Variants in PLA2G6 observed in about 807,000 individuals in gnomAD.
PLA2G6 encodes the protein 85/88 kDa calcium-independent phospholipase A2.
A neutral mutation model predicts 83.8 loss-of-function variants in PLA2G6; 62 were observed. The ratio of observed to expected loss-of-function variants is 0.74; its 90% CI spans 0.60 to 0.91. The LOEUF (loss-of-function observed/expected upper bound fraction) is 0.91. Ranked by LOEUF, PLA2G6 falls within the 40% of genes least tolerant of loss-of-function variation. The pLI is 0.00. For synonymous variants in PLA2G6, 417 were observed against 449.8 expected, an observed-to-expected ratio of 0.93 and a Z score of 0.92; for missense variants, 944 against 1,102.0, an observed-to-expected ratio of 0.86 and a Z score of 2.03.
At position 38,133,381 on chromosome 22, in the gene PLA2G6, C is replaced by T. The variant is rs559278584; in HGVS notation, c.895-368G>A. On this transcript the variant is annotated intron_variant, in intron 6 of 16. Transcript: ENST00000332509. ...TGCAAAGGTATCACCTCTCACTGGG[C>T]CTTGGCAATGCACATCCCTGGCAGA... 2.4e-5 allele frequency: 7 copies of T among 292,528 alleles called. No homozygotes were observed. In the South Asian group the frequency reaches 3.1e-4, roughly 13 times the overall value. The allele number at this position is 292,528 out of a possible 1,614,324, so 18.1% of individuals were successfully genotyped here. A position where few individuals can be genotyped will look rare whatever the true frequency, so the allele number is the denominator to read the frequency against.
chr22:38,122,655 TGAAGTGTGCAGGC>T (rs1847592384), intron 11 of PLA2G6, among the ~76,000 whole-genome samples: 1 of 152,112 alleles, frequency 6.6e-6, no homozygotes, highest in African/African-American at 2.4e-5. Flanking sequence ...CCCAGTAAAA[TGAAGTGTGCAGGC>T]GAGGGCTCTG....
chr22:38,160,675 T>C (rs2089973746), intron 2 of PLA2G6, among the ~76,000 whole-genome samples: 1 of 152,052 alleles, frequency 6.6e-6, no homozygotes, highest in Admixed American at 6.5e-5. Flanking sequence ...TGAAACCTCG[T>C]CTCTACTAAA....
At chr22:38,126,963 C>T (rs2087899214) in intron 9 of PLA2G6, 1 of 1,050,686 alleles carries the variant, frequency 9.5e-7, no homozygotes, top group African/African-American at 1.7e-5. Context: ...GGAGACATCC[C>T]TCGTCCTGAT....
At chr22:38,176,994 G>A (rs926625283) in intron 1 of PLA2G6, among the ~76,000 whole-genome samples, 6 of 150,088 alleles carry the variant, frequency 4.0e-5, no homozygotes, top group South Asian at 2.1e-4. Context: ...GCAGTGAGCC[G>A]AGATCATGCC....
At chr22:38,177,858 C>T (rs1027024831) in intron 1 of PLA2G6, among the ~76,000 whole-genome samples, 1 of 152,138 alleles carries the variant, frequency 6.6e-6, no homozygotes, top group African/African-American at 2.4e-5. Context: ...CACAGTTTGC[C>T]AGGATCTGAA....
rs981295870 is a variant in PLA2G6 at position 38,128,833 on chromosome 22, G to C, written c.1187-403C>G. On this transcript the variant is annotated intron_variant, in intron 8 of 16. Coordinates refer to ENST00000332509, the MANE Select transcript of PLA2G6 (RefSeq NM_003560.4). The surrounding 1 kb of genome is among the most constrained non-coding windows in gnomAD (Gnocchi z 4.4). Reference sequence around the variant, plus strand: ...GGCACCTACTCCATTTGATGGATGGGATTGCTGAAAAGGAGGTCATAGATG... The same window carrying C: ...GGCACCTACTCCATTTGATGGATGGCATTGCTGAAAAGGAGGTCATAGATG... Among the ~76,000 whole-genome samples, 18 of 152,272 alleles carry C rather than the reference G, an allele frequency of 1.2e-4. No individual in the cohort carries two copies. The highest frequency in any genetic ancestry group is 6.5e-4 in the Admixed American group (10 of 15,290).
chr22:38,143,626 A>G (rs1194751981), intron 3 of PLA2G6: 1 of 427,944 alleles, frequency 2.3e-6, no homozygotes, highest in African/African-American at 2.0e-5. Flanking sequence ...TCTGGGCGTC[A>G]ATATCCTTAT....
At chr22:38,163,963 G>T (rs931473274) in intron 2 of PLA2G6, among the ~76,000 whole-genome samples, 1 of 152,094 alleles carries the variant, frequency 6.6e-6, no homozygotes, top group African/African-American at 2.4e-5. Flanking sequence ...TCAGCTCCCG[G>T]TAGGGAAGCA....
intron 12 of PLA2G6, among the ~76,000 whole-genome samples, chr22:38,119,807 T>C (rs937727413): frequency 6.6e-6 from 1 of 151,708 alleles, no homozygotes; most frequent in Non-Finnish European, 1.5e-5. Context: ...AGCAAGACCC[T>C]GTTTCAAAAA....
At chr22:38,127,423 C>T (rs773550543) in intron 9 of PLA2G6, 10 of 1,328,532 alleles carry the variant, frequency 7.5e-6, no homozygotes, top group Non-Finnish European at 1.0e-5. Flanking sequence ...GACGCCGCAC[C>T]CCAGGCCCAC....
chr22:38,127,843 G>A (rs1368973727), intron 9 of PLA2G6, among the ~76,000 whole-genome samples: 1 of 152,194 alleles, frequency 6.6e-6, no homozygotes, highest in Non-Finnish European at 1.5e-5. Flanking sequence ...GGGGCACACA[G>A]GTCTCAGGCC....
intron 2 of PLA2G6, chr22:38,150,003 T>G (rs2089480555): frequency 6.9e-6 from 1 of 144,304 alleles, no homozygotes. Context: ...TAAATAAAAT[T>G]ATTCTGCTGA....
intron 5 of PLA2G6, 161 bp downstream of exon 5, chr22:38,139,821 G>A (rs886365838): frequency 3.2e-6 from 2 of 623,718 alleles, no homozygotes; most frequent in Non-Finnish European, 5.7e-6. Context: ...CACCTTCTTT[G>A]GGCCAGGCGG....
intron 2 of PLA2G6, among the ~76,000 whole-genome samples, chr22:38,162,934 G>C (rs374059507): frequency 9.5e-4 from 144 of 152,212 alleles, no homozygotes; most frequent in Middle Eastern, 3.4e-3. Context: ...GGACACACGG[G>C]GGTGTGTCTC....
At position 38,145,659 on chromosome 22, in the gene PLA2G6, G is replaced by C; in HGVS notation, c.210-6C>G. 2 of 1,603,576 alleles carry C rather than the reference G, an allele frequency of 1.2e-6. No individual in the cohort carries two copies. Among genetic ancestry groups the C allele is most frequent in the South Asian group, 2.2e-5 (2 of 90,096 alleles). ...CCAACTCCAGCTGGAAGAGTCTGTAGAGCCAGGACAGAGGAGCAAGACCCG... is the reference window on the plus strand; with the variant it reads ...CCAACTCCAGCTGGAAGAGTCTGTACAGCCAGGACAGAGGAGCAAGACCCG... On this transcript the variant is annotated splice_region_variant and splice_polypyrimidine_tract_variant and intron_variant, in intron 2 of 16. Coordinates refer to ENST00000332509, the MANE Select transcript of PLA2G6 (RefSeq NM_003560.4).
In PLA2G6 at chr22:38,139,993, G is replaced by A. The variant is rs546742857; in HGVS notation, c.786C>T (p.Phe262=). The change falls in exon 5 of 17, where the codon TTC becomes TTT. Residue 262 remains phenylalanine, a synonymous_variant. Coordinates refer to ENST00000332509, the MANE Select transcript of PLA2G6 (RefSeq NM_003560.4). ...NGYPIHSAMK[F]SQKGCAEMII... ...GGAGGAGGTCTTACCCCTTCTGAGAGAACTTCATGGCCGAGTGGATGGGGT... is the reference window on the plus strand; with the variant it reads ...GGAGGAGGTCTTACCCCTTCTGAGAAAACTTCATGGCCGAGTGGATGGGGT... 50 of 1,597,430 alleles carry A rather than the reference G, an allele frequency of 3.1e-5. 1 individual carries two copies. The South Asian group carries it at 4.8e-4, about 15-fold the overall frequency.
At chr22:38,157,157 C>A (rs1010186545) in intron 2 of PLA2G6, among the ~76,000 whole-genome samples, 1 of 151,762 alleles carries the variant, frequency 6.6e-6, no homozygotes, top group African/African-American at 2.4e-5. Flanking sequence ...CAAAACAATA[C>A]AAAAGATCAA....
intron 1 of PLA2G6, among the ~76,000 whole-genome samples, 199 bp from the exon 2 acceptor site, chr22:38,169,670 G>A (rs1300454746): frequency 1.3e-5 from 2 of 152,218 alleles, no homozygotes; most frequent in Non-Finnish European, 2.9e-5. Flanking sequence ...AGAACCCTCA[G>A]GCCAGGCTGG....
intron 1 of PLA2G6, among the ~76,000 whole-genome samples, chr22:38,175,710 C>G (rs2090606581): frequency 6.6e-6 from 1 of 152,154 alleles, no homozygotes. Flanking sequence ...GTGTGCCTTC[C>G]TCTTCTCCCC....
Sources: gnomAD v4.1 joint callset for allele counts (sites outside exome capture counted in the v4.1 genomes callset) on GRCh38, gnomAD v4.1.1 for gene constraint, Gnocchi (gnomAD v3.1) non-coding constraint, MANE v1.5 for transcripts, NCBI Gene and HGNC (gene_info 2026-07-23, HGNC 2026-07-21) for gene names.